Variants in FLACC1 observed in about 807,000 individuals in gnomAD.
FLACC1 encodes flagellum-associated coiled-coil domain-containing protein 1.
Under a neutral mutation model 62.8 loss-of-function variants are expected in FLACC1, and 66 were observed. That is an observed-to-expected ratio of 1.05 (90% CI 0.86 to 1.29). The LOEUF (loss-of-function observed/expected upper bound fraction) is 1.29, where lower values mean the gene tolerates loss of function less well. Ranked by LOEUF, FLACC1 falls within the 50% of genes most tolerant of loss-of-function variation. The pLI is 0.00. For missense variants in FLACC1, 452 were observed against 489.1 expected (o/e 0.92, Z 0.71); for synonymous variants, 156 against 161.0 (o/e 0.97, Z 0.24).
At chr2:201,347,637 C>G (rs201863654) in intron 4 of FLACC1, among the ~76,000 whole-genome samples, 4 of 94,992 alleles carry the variant, frequency 4.2e-5, no homozygotes, top group African/African-American at 1.2e-4. Context: ...AACTAAAAAA[C>G]AAAACAAAAA....
intron 12 of FLACC1, among the ~76,000 whole-genome samples, chr2:201,294,920 C>T (rs1314317232): frequency 5.9e-5 from 9 of 152,134 alleles, no homozygotes. Context: ...CTCCCATTCA[C>T]AATTGCTTCA....
intron 9 of FLACC1, among the ~76,000 whole-genome samples, chr2:201,314,288 TA>T (rs1027657739): frequency 6.6e-6 from 1 of 150,874 alleles, no homozygotes. Flanking sequence ...TAAGGAAATT[TA>T]AAAAAAAATG....
At chr2:201,353,287 T>C (rs1229946640) in intron 1 of FLACC1, among the ~76,000 whole-genome samples, 1 of 152,122 alleles carries the variant, frequency 6.6e-6, no homozygotes, top group Non-Finnish European at 1.5e-5. Flanking sequence ...AGCCAAAAAG[T>C]GAACTGTGAC....
intron 1 of FLACC1, among the ~76,000 whole-genome samples, chr2:201,354,000 TGTCTAA>T (rs1370078189): frequency 6.6e-6 from 1 of 152,224 alleles, no homozygotes; most frequent in Non-Finnish European, 1.5e-5. Flanking sequence ...TTAACTCAAA[TGTCTAA>T]GTCTATGATT....
intron 3 of FLACC1, among the ~76,000 whole-genome samples, chr2:201,349,566 AGT>A (rs761639715): frequency 1.3e-5 from 2 of 151,310 alleles, no homozygotes; most frequent in Admixed American, 6.6e-5. Context: ...CACCTGAAAC[AGT>A]GCCTAATAAA....
At chr2:201,297,316 C>A (rs1185937835) in intron 12 of FLACC1, among the ~76,000 whole-genome samples, 1 of 152,096 alleles carries the variant, frequency 6.6e-6, no homozygotes, top group Non-Finnish European at 1.5e-5. Context: ...TCTGTGTGAA[C>A]AGATGAGCTC....
In FLACC1 at chr2:201,348,240, C is replaced by T. The variant is rs766035122; in HGVS notation, c.234+14G>A. 1 of 1,612,506 alleles carries T rather than the reference C, an allele frequency of 6.2e-7. No individual in the cohort carries two copies. The highest frequency in any genetic ancestry group is 1.1e-5 in the South Asian group (1 of 90,800). ...TAAATTTTAGTCCCACCGCCCTCTC[C>T]TGCCTTTACTCACATAAAATGATTT... On this transcript the variant is annotated intron_variant, in intron 4 of 14. Coordinates refer to ENST00000392257, the MANE Select transcript of FLACC1 (RefSeq NM_001127391.3).
chr2:201,322,266 A>G (rs372842679), intron 9 of FLACC1, among the ~76,000 whole-genome samples: 54 of 152,004 alleles, frequency 3.6e-4, no homozygotes, highest in African/African-American at 1.2e-3. Context: ...TCAGCCTCAA[A>G]AAAAAAAAAG....
the FLACC1 span, among the ~76,000 whole-genome samples, chr2:201,362,753 C>T: frequency 0.028 from 4,287 of 152,234 alleles, 204 homozygotes; most frequent in African/African-American, 0.097. Flanking sequence ...AAGCAGGGTG[C>T]CATTTTTAAT....
At chr2:201,297,515 T>C (rs750738987) in intron 12 of FLACC1, among the ~76,000 whole-genome samples, 2 of 152,174 alleles carry the variant, frequency 1.3e-5, no homozygotes, top group East Asian at 1.9e-4. Flanking sequence ...CAGAAGCCCA[T>C]GAAAGCTAAG....
rs1252967886 is a variant in FLACC1 at position 201,309,231 on chromosome 2, A to G, written c.695T>C (p.Met232Thr). ...RTYQDSIYDE[M>T]EEKWSKQKAK... ...CTTCTGTTTTGACCACTTCTCTTCC[A>G]TTTCATCATAAATACTGTCCTGGGG... is the stretch of plus-strand genomic sequence containing the variant. The change falls in exon 10 of 15, where the codon ATG (methionine) becomes ACG (threonine). Residue 232 changes from methionine to threonine, a missense_variant. Met to Thr is a moderately conservative substitution (Grantham distance 81). Coordinates refer to ENST00000392257, the MANE Select transcript of FLACC1 (RefSeq NM_001127391.3). The G allele has an allele frequency of 6.2e-7, 1 of 1,613,720 alleles. No individual in the cohort carries two copies. Among genetic ancestry groups the G allele is most frequent in the Admixed American group, 1.7e-5 (1 of 60,012 alleles).
rs1211464204 is a variant in FLACC1 at position 201,351,361 on chromosome 2, C to T, written c.44G>A (p.Trp15Ter). 1 of 1,614,102 alleles carries T rather than the reference C, an allele frequency of 6.2e-7. No homozygotes were observed. Among genetic ancestry groups the T allele is most frequent in the Non-Finnish European group, 8.5e-7 (1 of 1,180,020 alleles). Residue 15 changes from tryptophan to a stop codon, truncating the protein, a stop_gained, in exon 2 of 15, where the codon TGG (tryptophan) becomes TAG (stop). Coordinates refer to ENST00000392257, the MANE Select transcript of FLACC1 (RefSeq NM_001127391.3). LOFTEE classifies it high-confidence loss of function. The stretch of plus-strand genomic sequence containing the variant: ...GATTAGCTTCCGTGGTCCCAAGTTC[C>T]AGGGGTCCCAGCAGGTGCAGTAGAT... ...PLIYCTCWDPWNLGPRKLIKT... is the reference protein window; with the variant it reads ...PLIYCTCWDP
In FLACC1 at chr2:201,289,622, G is replaced by C. The variant is rs1949683563; in HGVS notation, c.1033-56C>G. The C allele has an allele frequency of 3.1e-6, 5 of 1,612,200 alleles. No homozygotes were observed. In the South Asian group the frequency reaches 4.4e-5, roughly 14 times the overall value. On this transcript the variant is annotated intron_variant, in intron 13 of 14. Transcript: ENST00000392257. ...CCCCAACCCAGAGCCATCCAGGGCA[G>C]AGCTATATGGCAGAGCTGGATGGAG...
At chr2:201,307,418 GA>G in intron 11 of FLACC1, 100 bp downstream of exon 11, 1 of 862,532 alleles carries the variant, frequency 1.2e-6, no homozygotes, top group Non-Finnish European at 1.9e-6. Flanking sequence ...ATTATGCCCA[GA>G]AAGACAAAAA....
upstream of FLACC1, among the ~76,000 whole-genome samples, chr2:201,361,493 T>G (rs1230676306): frequency 6.6e-6 from 1 of 152,248 alleles, no homozygotes; most frequent in East Asian, 1.9e-4. Context: ...CCACAGGTAT[T>G]CGCATACAGG....
chr2:201,355,780 G>A (rs1421747697), intron 1 of FLACC1, among the ~76,000 whole-genome samples: 1 of 152,086 alleles, frequency 6.6e-6, no homozygotes, highest in East Asian at 1.9e-4. Flanking sequence ...GATCACTTGA[G>A]GCCAGGAGTT....
rs1464837914 is a variant in FLACC1 at position 201,326,090 on chromosome 2, A to G, written c.675+4380T>C. Among the ~76,000 whole-genome samples the G allele has an allele frequency of 1.3e-5, 2 of 152,236 alleles. No individual in the cohort carries two copies. The highest frequency in any genetic ancestry group is 2.9e-5 in the Non-Finnish European group (2 of 68,040). On this transcript the variant is annotated intron_variant, in intron 9 of 14. Transcript: ENST00000392257. The surrounding 1 kb of genome is among the most constrained non-coding windows in gnomAD (Gnocchi z 4.1). Reference sequence around the variant, plus strand: ...AACACATGATCATCTCAATAGATTCAGAAAAAGCATTTAATAAAATCCAGC... The same window carrying G: ...AACACATGATCATCTCAATAGATTCGGAAAAAGCATTTAATAAAATCCAGC...
In FLACC1 at chr2:201,346,978, C is replaced by T. The variant is rs917108926; in HGVS notation, c.235-303G>A. Among the ~76,000 whole-genome samples the T allele has an allele frequency of 1.3e-5, 2 of 152,178 alleles. No homozygotes were observed. Among genetic ancestry groups the T allele is most frequent in the South Asian group, 2.1e-4 (1 of 4,832 alleles). On this transcript the variant is annotated intron_variant, in intron 4 of 14. Transcript: ENST00000392257. The surrounding 1 kb of genome is among the most constrained non-coding windows in gnomAD (Gnocchi z 4.0). ...CCAGAGCCCAGAGGAGGTGGGCATGCGGCAACTGCTCGGGTTTTGGAATCA... is the reference window on the plus strand; with the variant it reads ...CCAGAGCCCAGAGGAGGTGGGCATGTGGCAACTGCTCGGGTTTTGGAATCA...
chr2:201,303,612 C>G (rs1950036896), intron 11 of FLACC1, among the ~76,000 whole-genome samples: 1 of 152,124 alleles, frequency 6.6e-6, no homozygotes, highest in African/African-American at 2.4e-5. Flanking sequence ...CAAAGCCTGG[C>G]AGAGACACAA....
Sources: allele counts gnomAD v4.1 joint callset (sites outside exome capture counted in the v4.1 genomes callset), GRCh38; gene constraint gnomAD v4.1.1; non-coding constraint Gnocchi (gnomAD v3.1); transcripts MANE v1.5; gene names NCBI Gene and HGNC (gene_info 2026-07-23, HGNC 2026-07-21).